Variants in SH3PXD2B observed in about 807,000 individuals in gnomAD.
The protein encoded by SH3PXD2B is SH3 and PX domain-containing protein 2B.
A neutral mutation model predicts 73.1 loss-of-function variants in SH3PXD2B; 37 were observed. The observed-to-expected ratio is 0.51, with a 90% confidence interval of 0.39 to 0.67. The LOEUF (loss-of-function observed/expected upper bound fraction) is 0.67, where lower values mean the gene tolerates loss of function less well. SH3PXD2B is among the 30% of genes least tolerant of loss of function. SH3PXD2B has a pLI of 0.00. For synonymous variants in SH3PXD2B, 457 were observed against 480.5 expected, an observed-to-expected ratio of 0.95 and a Z score of 0.64; for missense variants, 1,053 against 1,197.8, an observed-to-expected ratio of 0.88 and a Z score of 1.78.
chr5:172,439,677 T>A (rs201128476), intron 1 of SH3PXD2B, among the ~76,000 whole-genome samples: 2,421 of 121,738 alleles, frequency 0.02, 87 homozygotes, highest in African/African-American at 0.065. Flanking sequence ...TGTGCGTGCG[T>A]GCGCGCACGC....
chr5:172,337,994 C>G lies in SH3PXD2B; in HGVS notation c.*375G>C. On this transcript the variant is annotated 3_prime_UTR_variant, in exon 13 of 13. Coordinates refer to ENST00000311601, the MANE Select transcript of SH3PXD2B (RefSeq NM_001017995.3). The stretch of plus-strand genomic sequence containing the variant: ...TGCCCCTTACTGTGCCATGTCCAAG[C>G]CATGAGAGACCCTTGCTGGAGTTTC... 5.9e-6 allele frequency: 7 copies of G among 1,180,000 alleles called. No homozygotes were observed. In the South Asian group the frequency reaches 1.4e-4, roughly 23 times the overall value. 73.1% of individuals were successfully genotyped at this position (1,180,000 alleles called of 1,614,324 possible). A position where few individuals can be genotyped will look rare whatever the true frequency, so the allele number is the denominator to read the frequency against.
intron 10 of SH3PXD2B, among the ~76,000 whole-genome samples, chr5:172,350,011 C>T (rs145058485): frequency 5.9e-5 from 9 of 152,238 alleles, no homozygotes; most frequent in Admixed American, 1.3e-4. Flanking sequence ...GCTGCCACCA[C>T]GCCTGGCTAA....
Position 172,335,004 on chromosome 5 carries a change from T to C in SH3PXD2B, c.*3365A>G, listed in dbSNP as rs766100701. On this transcript the variant is annotated 3_prime_UTR_variant, in exon 13 of 13. Transcript: ENST00000311601. The stretch of plus-strand genomic sequence containing the variant: ...GCGATCCCCCAGTAGGGAAGGGCCA[T>C]TAAAAGCGGTTTAAGCTGGAGCTCA... The C allele has an allele frequency of 1.2e-4, 119 of 985,284 alleles. No individual in the cohort carries two copies. Among genetic ancestry groups the C allele is most frequent in the South Asian group, 4.7e-5 (1 of 21,286 alleles). 61.0% of individuals were successfully genotyped at this position (985,284 alleles called of 1,614,324 possible).
chr5:172,425,665 CCA>C (rs1262190519), intron 1 of SH3PXD2B, among the ~76,000 whole-genome samples: 2 of 151,916 alleles, frequency 1.3e-5, no homozygotes, highest in Non-Finnish European at 2.9e-5. Context: ...GGCTTGCAGG[CCA>C]CAGAGAAGCG....
At chr5:172,428,683 T>A (rs1228494731) in intron 1 of SH3PXD2B, among the ~76,000 whole-genome samples, 1 of 152,242 alleles carries the variant, frequency 6.6e-6, no homozygotes, top group African/African-American at 2.4e-5. Context: ...AGTTACTGTG[T>A]GGCCCTCCAG....
intron 1 of SH3PXD2B, among the ~76,000 whole-genome samples, chr5:172,449,336 T>C (rs1444132136): frequency 1.3e-5 from 2 of 152,190 alleles, no homozygotes; most frequent in Non-Finnish European, 2.9e-5. Flanking sequence ...GTCAGCTCCG[T>C]GGTGGAATCA....
intron 8 of SH3PXD2B, among the ~76,000 whole-genome samples, chr5:172,358,099 C>T (rs2113309262): frequency 6.6e-6 from 1 of 152,242 alleles, no homozygotes; most frequent in East Asian, 1.9e-4. Context: ...AATTACTGGC[C>T]CAAGGCCACT....
chr5:172,408,270 ATTTCT>A (rs1758608335), intron 2 of SH3PXD2B, among the ~76,000 whole-genome samples: 1 of 150,044 alleles, frequency 6.7e-6, no homozygotes, highest in Admixed American at 6.6e-5. Flanking sequence ...TCTGTTCTCA[ATTTCT>A]TTTCTTTTTT....
Position 172,335,902 on chromosome 5 carries a change from G to A in SH3PXD2B, c.*2467C>T, listed in dbSNP as rs2113239911. 2.5e-6 allele frequency: 3 copies of A among 1,209,024 alleles called. No homozygotes were observed. Among genetic ancestry groups the A allele is most frequent in the Non-Finnish European group, 2.1e-6 (2 of 974,148 alleles). The allele number at this position is 1,209,024 out of a possible 1,614,324, so 74.9% of individuals were successfully genotyped here. On this transcript the variant is annotated 3_prime_UTR_variant, in exon 13 of 13. Transcript: ENST00000311601. ...AGAGGACTGTGGCTTCAGTACCCGC[G>A]GGTCATGTCAGAATAATCATCATCA...
chr5:172,403,303 C>T (rs1183313632), intron 3 of SH3PXD2B, among the ~76,000 whole-genome samples: 2 of 152,260 alleles, frequency 1.3e-5, no homozygotes, highest in Non-Finnish European at 2.9e-5. Flanking sequence ...CTCTCCCCTC[C>T]CCCGCCTTTG....
intron 4 of SH3PXD2B, among the ~76,000 whole-genome samples, chr5:172,384,499 C>T (rs1758015691): frequency 6.6e-6 from 1 of 152,128 alleles, no homozygotes; most frequent in South Asian, 2.1e-4. Context: ...AAACTCTGTA[C>T]CCATTAAACA....
chr5:172,348,053 C>T lies in SH3PXD2B; in HGVS notation c.1013-721G>A, dbSNP rs138300735. Among the ~76,000 whole-genome samples, 852 of 152,260 alleles carry T rather than the reference C, an allele frequency of 5.6e-3. 10 individuals are homozygous for T. The highest frequency in any genetic ancestry group is 0.02 in the African/African-American group (817 of 41,554). On this transcript the variant is annotated intron_variant, in intron 10 of 12. Transcript: ENST00000311601. ...GGGTCCATACAGAAGGGTAGTTTGG[C>T]GTTGGGGTGCGGAGGAGACTGCTAA...
intron 3 of SH3PXD2B, among the ~76,000 whole-genome samples, chr5:172,403,765 G>C (rs930410689): frequency 6.6e-6 from 1 of 152,208 alleles, no homozygotes; most frequent in African/African-American, 2.4e-5. Flanking sequence ...AGTTTACCTT[G>C]AATATCCAGA....
At chr5:172,381,296 C>T (rs1157654828) in intron 5 of SH3PXD2B, among the ~76,000 whole-genome samples, 2 of 152,156 alleles carry the variant, frequency 1.3e-5, no homozygotes, top group Non-Finnish European at 2.9e-5. Context: ...ACTCTGCCCG[C>T]TCTTGCTCCT....
At chr5:172,381,181 G>A (rs577514277) in intron 5 of SH3PXD2B, among the ~76,000 whole-genome samples, 1 of 152,344 alleles carries the variant, frequency 6.6e-6, no homozygotes, top group African/African-American at 2.4e-5. Context: ...GCTGCTGCCT[G>A]GGGCATCCAG....
Position 172,406,328 on chromosome 5 carries a change from T to C in SH3PXD2B, c.181A>G (p.Met61Val), listed in dbSNP as rs375880429. The C allele has an allele frequency of 1.2e-6, 2 of 1,614,082 alleles. No individual in the cohort carries two copies. Among genetic ancestry groups the C allele is most frequent in the South Asian group, 1.1e-5 (1 of 91,086 alleles). The change falls in exon 3 of 13, where the codon ATG (methionine) becomes GTG (valine). Residue 61 changes from methionine (M) to valine (V), a missense_variant. This residue lies in a region of SH3PXD2B where 466 missense variants were observed against 607.1 expected (regional missense o/e 0.77). Coordinates refer to ENST00000311601, the MANE Select transcript of SH3PXD2B (RefSeq NM_001017995.3). Reference protein sequence around the residue: ...LQMQMLDKFPMEGGQKDPKQR... With the variant: ...LQMQMLDKFPVEGGQKDPKQR... ...TTGGGGTCCTTCTGTCCTCCTTCCA[T>C]GGGAAATTTGTCCAACATCTGCATC...
chr5:172,349,850 CT>C (rs1436202402), intron 10 of SH3PXD2B, among the ~76,000 whole-genome samples: 3 of 151,168 alleles, frequency 2.0e-5, no homozygotes, highest in Non-Finnish European at 3.0e-5. Flanking sequence ...AACGCCTCCC[CT>C]TTTTTTTTCT....
chr5:172,329,183 T>A (rs1342416192), downstream of SH3PXD2B, among the ~76,000 whole-genome samples: 1 of 148,112 alleles, frequency 6.8e-6, no homozygotes, highest in Non-Finnish European at 1.5e-5. Context: ...CCGGTTCAAA[T>A]GATTCTCCTG....
chr5:172,420,366 C>T (rs955676222), intron 2 of SH3PXD2B, among the ~76,000 whole-genome samples: 3 of 152,178 alleles, frequency 2.0e-5, no homozygotes, highest in African/African-American at 4.8e-5. Context: ...TATGCAATGA[C>T]TCTTGGCAGT....
Sources: gnomAD v4.1 joint callset for allele counts (sites outside exome capture counted in the v4.1 genomes callset) on GRCh38, gnomAD v4.1.1 for gene constraint, gnomAD v4.1.1 regional missense constraint, MANE v1.5 for transcripts, NCBI Gene and HGNC (gene_info 2026-07-23, HGNC 2026-07-21) for gene names.